Variants in BCL2L13 observed in about 807,000 individuals in gnomAD.
BCL2L13 encodes BCL2 like 13.
Under a neutral mutation model 25.8 loss-of-function variants are expected in BCL2L13, and 13 were observed. The ratio of observed to expected loss-of-function variants is 0.50; its 90% CI spans 0.33 to 0.80. The LOEUF is 0.80. Among genes scored for constraint, BCL2L13 ranks in the 30% least tolerant of loss-of-function variants. BCL2L13 has a pLI of 0.02. For missense variants in BCL2L13, 504 were observed against 574.9 expected, an observed-to-expected ratio of 0.88 and a Z score of 1.26; for synonymous variants, 244 against 230.3, an observed-to-expected ratio of 1.06 and a Z score of -0.54.
intron 2 of BCL2L13, among the ~76,000 whole-genome samples, chr22:17,665,576 C>T (rs971821519): frequency 6.6e-6 from 1 of 152,144 alleles, no homozygotes; most frequent in African/African-American, 2.4e-5. Context: ...CACCTGGCCC[C>T]GCCCTTGACA....
intron 1 of BCL2L13, among the ~76,000 whole-genome samples, chr22:17,654,975 C>T (rs1375463202): frequency 6.6e-6 from 1 of 152,164 alleles, no homozygotes; most frequent in Non-Finnish European, 1.5e-5. Context: ...CCTCCCACCT[C>T]GGCCTTCTAA....
intron 4 of BCL2L13, among the ~76,000 whole-genome samples, chr22:17,691,651 C>CAA (rs71284920): frequency 3.9e-4 from 58 of 147,292 alleles, no homozygotes; most frequent in Non-Finnish European, 1.8e-4. Context: ...GTCTCAAAAA[C>CAA]AAAAAAAAAA....
intron 6 of BCL2L13, among the ~76,000 whole-genome samples, chr22:17,707,412 T>G (rs1223897051): frequency 6.6e-6 from 1 of 152,184 alleles, no homozygotes; most frequent in Non-Finnish European, 1.5e-5. Flanking sequence ...CTCAGAAATA[T>G]AAAACTAGCT....
At chr22:17,717,786 T>C (rs2060989784) in intron 6 of BCL2L13, among the ~76,000 whole-genome samples, 1 of 152,124 alleles carries the variant, frequency 6.6e-6, no homozygotes, top group Admixed American at 6.6e-5. Context: ...CATTGCTTCT[T>C]ATGAAAGACA....
At chr22:17,664,909 CTA>C (rs1375765215) in intron 2 of BCL2L13, among the ~76,000 whole-genome samples, 4 of 152,358 alleles carry the variant, frequency 2.6e-5, no homozygotes, top group African/African-American at 7.2e-5. Flanking sequence ...GTCCAGGAAA[CTA>C]TGTTTCCCTC....
intron 5 of BCL2L13, among the ~76,000 whole-genome samples, chr22:17,699,257 G>A (rs1186133910): frequency 6.6e-6 from 1 of 152,172 alleles, no homozygotes; most frequent in Non-Finnish European, 1.5e-5. Context: ...TATTAGGACT[G>A]TTAAGTCACA....
At chr22:17,636,638 A>G (rs192263552), upstream of BCL2L13, among the ~76,000 whole-genome samples, 14 of 152,030 alleles carry the variant, frequency 9.2e-5, no homozygotes, top group Non-Finnish European at 1.3e-4. Flanking sequence ...AGAATACAAA[A>G]AAAAAATATT....
intron 1 of BCL2L13, among the ~76,000 whole-genome samples, chr22:17,629,435 T>G (rs2057957174): frequency 8.6e-6 from 1 of 116,072 alleles, no homozygotes; most frequent in African/African-American, 2.6e-5. Flanking sequence ...ATTTGGAACT[T>G]TTCTGAGATA....
In BCL2L13 at chr22:17,730,453, C is replaced by G. The variant is rs768927285; in HGVS notation, c.*2919C>G. The G allele has an allele frequency of 3.9e-5, 6 of 152,122 alleles. No homozygotes were observed. The highest frequency in any genetic ancestry group is 7.4e-5 in the Non-Finnish European group (5 of 68,012). The allele number at this position is 152,122 out of a possible 1,614,324, so 9.4% of individuals were successfully genotyped here. ...GTGAACCTGGAGACATGGCTTTGAC[C>G]CACAGCTACTGTTCATTTCCTCAGG... On this transcript the variant is annotated 3_prime_UTR_variant, in exon 7 of 7. Transcript: ENST00000317582.
intron 2 of BCL2L13, among the ~76,000 whole-genome samples, chr22:17,657,401 A>G (rs1340491793): frequency 6.6e-6 from 1 of 152,210 alleles, no homozygotes; most frequent in Non-Finnish European, 1.5e-5. Context: ...AATCAATTGC[A>G]CATTATGCTG....
chr22:17,700,888 A>C (rs1449767289), intron 5 of BCL2L13, among the ~76,000 whole-genome samples: 1 of 152,198 alleles, frequency 6.6e-6, no homozygotes, highest in African/African-American at 2.4e-5. Flanking sequence ...TATTAGTTTG[A>C]AATATAAACT....
intron 6 of BCL2L13, among the ~76,000 whole-genome samples, chr22:17,708,607 T>G (rs1211474725): frequency 6.6e-6 from 1 of 152,202 alleles, no homozygotes; most frequent in African/African-American, 2.4e-5. Context: ...GGCAAGTTAC[T>G]CAAACCCTTT....
At chr22:17,702,467 G>T in intron 6 of BCL2L13, 81 bp downstream of exon 6, 1 of 1,331,234 alleles carries the variant, frequency 7.5e-7, no homozygotes, top group Non-Finnish European at 9.9e-7. Flanking sequence ...GGTTCTTGCT[G>T]TGTTACCCGG....
chr22:17,677,623 C>A (rs897984282), intron 2 of BCL2L13, among the ~76,000 whole-genome samples: 1 of 152,062 alleles, frequency 6.6e-6, no homozygotes, highest in African/African-American at 2.4e-5. Flanking sequence ...CCTGTAATCC[C>A]AGCACTTTGG....
chr22:17,632,760 T>TC (rs1375726107), intron 1 of BCL2L13, among the ~76,000 whole-genome samples: 2 of 150,656 alleles, frequency 1.3e-5, no homozygotes, highest in African/African-American at 2.4e-5. Context: ...TTCTTTTTTT[T>TC]TTTTTTTTTT....
At chr22:17,631,706 A>ATTTTT (rs71201849) in intron 1 of BCL2L13, among the ~76,000 whole-genome samples, 3 of 10,928 alleles carry the variant, frequency 2.7e-4, no homozygotes, top group Non-Finnish European at 3.5e-4. Flanking sequence ...ATATATATAT[A>ATTTTT]TTTTTTTTTT....
intron 6 of BCL2L13, among the ~76,000 whole-genome samples, chr22:17,713,562 A>G (rs1222827195): frequency 6.6e-6 from 1 of 151,136 alleles, no homozygotes; most frequent in African/African-American, 2.4e-5. Flanking sequence ...CCTGGGTTCA[A>G]GTGATTCTCC....
chr22:17,700,638 TTTTG>T (rs1419507575), intron 5 of BCL2L13, among the ~76,000 whole-genome samples: 1 of 152,124 alleles, frequency 6.6e-6, no homozygotes, highest in Non-Finnish European at 1.5e-5. Context: ...ATAAACAGTT[TTTTG>T]TTTGTTTGTT....
chr22:17,714,591 T>C (rs1042853307), intron 6 of BCL2L13, among the ~76,000 whole-genome samples: 4 of 152,214 alleles, frequency 2.6e-5, no homozygotes, highest in African/African-American at 9.6e-5. Context: ...CTTAGGTAGC[T>C]TGGGGGGACC....
Sources: allele counts gnomAD v4.1 joint callset (sites outside exome capture counted in the v4.1 genomes callset), GRCh38; gene constraint gnomAD v4.1.1; transcripts MANE v1.5; gene names NCBI Gene and HGNC (gene_info 2026-07-23, HGNC 2026-07-21).